Variants in MYCBP2 observed in about 807,000 individuals in gnomAD.
MYCBP2 encodes the protein MYC binding protein 2, also known as E3 ubiquitin-protein ligase MYCBP2.
Under a neutral mutation model 525.3 loss-of-function variants are expected in MYCBP2, and 120 were observed. The ratio of observed to expected loss-of-function variants is 0.23; its 90% CI spans 0.20 to 0.27. The LOEUF is 0.27. Ranked by LOEUF, MYCBP2 falls within the 10% of genes least tolerant of loss-of-function variation. The pLI, the probability that MYCBP2 is intolerant of heterozygous loss-of-function variation, is 1.00. For missense variants in MYCBP2, 4,149 were observed against 5,657.1 expected (o/e 0.73, Z 8.55); for synonymous variants, 1,894 against 1,955.8 (o/e 0.97, Z 0.83).
At chr13:77,320,144 T>C (rs1594899302) in intron 1 of MYCBP2, among the ~76,000 whole-genome samples, 1 of 152,178 alleles carries the variant, frequency 6.6e-6, no homozygotes. Flanking sequence ...CTACACTGTA[T>C]AGATATTAGA....
At position 77,093,241 on chromosome 13, in the gene MYCBP2, A is replaced by G; in HGVS notation, c.10291T>C (p.Tyr3431His). 6.2e-7 allele frequency: 1 copy of G among 1,613,414 alleles called. No homozygotes were observed. Among genetic ancestry groups the G allele is most frequent in the South Asian group, 1.1e-5 (1 of 91,056 alleles). The change falls in exon 59 of 83, where the codon TAT (tyrosine) becomes CAT (histidine). Residue 3431 changes from tyrosine (Y) to histidine (H), a missense_variant. By Grantham distance (83) the Tyr-to-His change is moderately conservative (BLOSUM62 2). Transcript: ENST00000544440. ...CTTGCATCAGGAGTTACTGATATATACGGGGCAGGTACAGATGTTGAACGT... is the reference window on the plus strand; with the variant it reads ...CTTGCATCAGGAGTTACTGATATATGCGGGGCAGGTACAGATGTTGAACGT... Reference protein sequence around the residue: ...YLRSTSVPAPYISVTPDASPN... With the variant: ...YLRSTSVPAPHISVTPDASPN...
intron 55 of MYCBP2, among the ~76,000 whole-genome samples, chr13:77,112,268 C>G (rs1744339817): frequency 6.8e-6 from 1 of 148,060 alleles, no homozygotes; most frequent in Non-Finnish European, 1.5e-5. Flanking sequence ...TTGCACTGGA[C>G]TGTATCCCCT....
chr13:77,246,133 T>A (rs2069887555), intron 15 of MYCBP2, among the ~76,000 whole-genome samples: 3 of 152,172 alleles, frequency 2.0e-5, no homozygotes, highest in African/African-American at 7.2e-5. Context: ...TTCTTGAAAC[T>A]TTTGACAGCC....
chr13:77,267,138 C>T (rs2074220527), intron 8 of MYCBP2, among the ~76,000 whole-genome samples: 1 of 151,884 alleles, frequency 6.6e-6, no homozygotes, highest in African/African-American at 2.4e-5. Context: ...AAAGTATCAA[C>T]ATTATAAACA....
rs572955086 is a variant in MYCBP2 at position 77,225,480 on chromosome 13, A to G, written c.2812T>C (p.Cys938Arg). 2 of 1,613,816 alleles carry G rather than the reference A, an allele frequency of 1.2e-6. No homozygotes were observed. Among genetic ancestry groups the G allele is most frequent in the South Asian group, 2.2e-5 (2 of 91,074 alleles). The change falls in exon 19 of 83, where the codon TGT (cysteine) becomes CGT (arginine). Residue 938 changes from cysteine to arginine, a missense_variant. Coordinates refer to ENST00000544440, the MANE Select transcript of MYCBP2 (RefSeq NM_015057.5). ...TYPPGSVRFD[C>R]ELRAVQVSCG... ...CTGACTTGGACTGCCCGGAGCTCAC[A>G]GTCAAATCGCACAGAGCCTGGAGGG...
intron 40 of MYCBP2, among the ~76,000 whole-genome samples, chr13:77,167,025 A>ACACACC (rs1555376500): frequency 4.8e-4 from 54 of 113,056 alleles, no homozygotes; most frequent in African/African-American, 8.3e-4. Flanking sequence ...ACACACACAC[A>ACACACC]CCAAATGAAA....
Position 77,077,138 on chromosome 13 carries a change from G to C in MYCBP2, c.11724+10C>G. 6.2e-7 allele frequency: 1 copy of C among 1,612,254 alleles called. No individual in the cohort carries two copies. Among genetic ancestry groups the C allele is most frequent in the Non-Finnish European group, 8.5e-7 (1 of 1,179,406 alleles). On this transcript the variant is annotated intron_variant, in intron 67 of 82. Transcript: ENST00000544440. ...TATCCTGTGCTAGAATATGTTGTAA[G>C]GACACTCACTTGAGACGTAATCAGT...
Position 77,238,427 on chromosome 13 carries a change from G to A in MYCBP2, c.2629+4632C>T, listed in dbSNP as rs74922977. Among the ~76,000 whole-genome samples the A allele has an allele frequency of 7.3e-3, 1,113 of 152,130 alleles. 6 individuals carry two copies. Among genetic ancestry groups the A allele is most frequent in the Non-Finnish European group, 0.012 (843 of 67,978 alleles). On this transcript the variant is annotated intron_variant, in intron 17 of 82. Transcript: ENST00000544440. ...AATTTTCCTTACGAAACAGAGTGCT[G>A]AAAAGGAATATAAGGATAAAATCAT... is the stretch of plus-strand genomic sequence containing the variant.
intron 26 of MYCBP2, among the ~76,000 whole-genome samples, chr13:77,194,830 A>G (rs2061600421): frequency 6.6e-6 from 1 of 152,172 alleles, no homozygotes; most frequent in Non-Finnish European, 1.5e-5. Flanking sequence ...CTTAAAAACA[A>G]TAGGTAACAA....
chr13:77,287,208 G>C (rs1276256391), intron 3 of MYCBP2, among the ~76,000 whole-genome samples: 1 of 120,646 alleles, frequency 8.3e-6, no homozygotes, highest in Non-Finnish European at 1.7e-5. Flanking sequence ...TTTTTTTTGA[G>C]ACAGTCTCAC....
rs979966902 is a variant in MYCBP2 at position 77,186,202 on chromosome 13, A to G, written c.4252-139T>C. On this transcript the variant is annotated intron_variant, in intron 30 of 82. Coordinates refer to ENST00000544440, the MANE Select transcript of MYCBP2 (RefSeq NM_015057.5). ...TGAGTTTTTTAATTGAATTTTTTTT[A>G]CTGAGCCCAAGACACTTTTATAGTT... 10 of 561,808 alleles carry G rather than the reference A, an allele frequency of 1.8e-5. No individual in the cohort carries two copies. The East Asian group carries it at 2.8e-4, about 16-fold the overall frequency. 34.8% of individuals were successfully genotyped at this position (561,808 alleles called of 1,614,324 possible).
Position 77,225,430 on chromosome 13 carries a change from G to A in MYCBP2, c.2857+5C>T, listed in dbSNP as rs373540930. ...GCAGTTATACCCTAAAGTTCCAGCCGCTACCTGAATGGTGAAATCCACAGC... is the reference window on the plus strand; with the variant it reads ...GCAGTTATACCCTAAAGTTCCAGCCACTACCTGAATGGTGAAATCCACAGC... On this transcript the variant is annotated splice_donor_5th_base_variant and intron_variant, in intron 19 of 82. Transcript: ENST00000544440. The A allele has an allele frequency of 2.5e-5, 40 of 1,613,258 alleles. No homozygotes were observed. The African/African-American group carries it at 3.9e-4, about 16-fold the overall frequency.
At chr13:77,066,727 T>A (rs2040271463) in intron 71 of MYCBP2, among the ~76,000 whole-genome samples, 1 of 152,108 alleles carries the variant, frequency 6.6e-6, no homozygotes, top group African/African-American at 2.4e-5. Flanking sequence ...TTATATGAGA[T>A]GAAAATGCCT....
chr13:77,149,713 A>T (rs748289401), intron 47 of MYCBP2, among the ~76,000 whole-genome samples: 4 of 152,190 alleles, frequency 2.6e-5, no homozygotes, highest in Non-Finnish European at 5.9e-5. Context: ...CCCCTCTTCC[A>T]TTATCAATTG....
intron 46 of MYCBP2, 127 bp downstream of exon 46, chr13:77,155,931 T>C: frequency 1.1e-6 from 1 of 883,296 alleles, no homozygotes; most frequent in East Asian, 2.7e-5. Context: ...TTAAACAAAC[T>C]TTCAGCATCA....
chr13:77,157,948 TC>T lies in MYCBP2; in HGVS notation c.6758del (p.Gly2253GlufsTer20). ...FIACVPGSSG[G>X]RLARWLQPDS... is the part of the protein sequence containing the mutation. ...TAAAGTACATTTACCTTGCAAGCCT[TC>T]CACCACTTGATCCTGGGACACAGGC... On this transcript the variant is annotated frameshift_variant, in exon 45 of 83. Transcript: ENST00000544440. LOFTEE classifies it high-confidence loss of function. 1 of 1,611,602 alleles carries T rather than the reference TC, an allele frequency of 6.2e-7. No homozygotes were observed. Among genetic ancestry groups the T allele is most frequent in the Non-Finnish European group, 8.5e-7 (1 of 1,179,292 alleles).
chr13:77,303,026 T>G (rs183060736), intron 1 of MYCBP2, among the ~76,000 whole-genome samples: 1 of 152,282 alleles, frequency 6.6e-6, no homozygotes, highest in Non-Finnish European at 1.5e-5. Context: ...AGCACTGACA[T>G]AGAAAAACTT....
At chr13:77,271,090 A>G (rs535295365) in intron 5 of MYCBP2, among the ~76,000 whole-genome samples, 4 of 151,958 alleles carry the variant, frequency 2.6e-5, no homozygotes, top group Non-Finnish European at 4.4e-5. Flanking sequence ...CTACTTAATC[A>G]TACTTTTGAT....
At chr13:77,106,593 A>G (rs1018319524) in intron 55 of MYCBP2, among the ~76,000 whole-genome samples, 3 of 152,164 alleles carry the variant, frequency 2.0e-5, no homozygotes, top group African/African-American at 4.8e-5. Flanking sequence ...GACAGCAAAA[A>G]GAATCTTTGG....
Sources: gnomAD v4.1 joint callset for allele counts (sites outside exome capture counted in the v4.1 genomes callset) on GRCh38, gnomAD v4.1.1 for gene constraint, MANE v1.5 for transcripts, NCBI Gene and HGNC (gene_info 2026-07-23, HGNC 2026-07-21) for gene names.